TESMIN: variants seen among roughly 807,000 people sequenced by gnomAD.
TESMIN encodes the protein CXC domain containing 2.
A neutral mutation model predicts 47.4 loss-of-function variants in TESMIN; 34 were observed. The ratio of observed to expected loss-of-function variants is 0.72; its 90% CI spans 0.55 to 0.96. The LOEUF (loss-of-function observed/expected upper bound fraction) is 0.96. Ranked by LOEUF, TESMIN falls within the 40% of genes least tolerant of loss-of-function variation. The probability of loss-of-function intolerance (pLI) is 0.00; values close to 1 mark genes in which losing one functional copy is unlikely to be tolerated. For missense variants in TESMIN, 610 were observed against 637.2 expected, an observed-to-expected ratio of 0.96 and a Z score of 0.46; for synonymous variants, 278 against 258.9, an observed-to-expected ratio of 1.07 and a Z score of -0.71.
At chr11:68,711,734 A>C (rs1180258762) in intron 8 of TESMIN, among the ~76,000 whole-genome samples, 7 of 152,192 alleles carry the variant, frequency 4.6e-5, no homozygotes, top group African/African-American at 1.7e-4. Context: ...TAGAATTCGA[A>C]ATCTGCCTGA....
rs539170978 is a variant in TESMIN at position 68,745,225 on chromosome 11, T to C, written c.631-114A>G. On this transcript the variant is annotated intron_variant, in intron 3 of 9. Transcript: ENST00000255087. Reference sequence around the variant, plus strand: ...CTTTAATCCAGAAGTTACATTTTAATGGAAGATAGAAAACTATAGATCTGT... The same window carrying C: ...CTTTAATCCAGAAGTTACATTTTAACGGAAGATAGAAAACTATAGATCTGT... 66 of 1,019,242 alleles carry C rather than the reference T, an allele frequency of 6.5e-5. No individual in the cohort carries two copies. The South Asian group carries it at 9.8e-4, about 15-fold the overall frequency. The allele number at this position is 1,019,242 out of a possible 1,614,324, so 63.1% of individuals were successfully genotyped here.
intron 7 of TESMIN, among the ~76,000 whole-genome samples, chr11:68,713,760 G>A (rs776412794): frequency 1.3e-5 from 2 of 152,192 alleles, no homozygotes; most frequent in Non-Finnish European, 1.5e-5. Flanking sequence ...GGTTGAGACC[G>A]TGGACCATAC....
At chr11:68,738,611 T>C (rs1946416429) in intron 6 of TESMIN, 89 bp downstream of exon 6, 1 of 1,571,392 alleles carries the variant, frequency 6.4e-7, no homozygotes. Flanking sequence ...GTGAAGCTCA[T>C]TTTATAGTAT....
chr11:68,736,089 A>G, intron 6 of TESMIN: 1 of 985,334 alleles, frequency 1.0e-6, no homozygotes, highest in Non-Finnish European at 1.2e-6. Flanking sequence ...CTACACCACA[A>G]CAAGATAACC....
intron 9 of TESMIN, among the ~76,000 whole-genome samples, chr11:68,709,338 G>T (rs1314054026): frequency 2.0e-5 from 3 of 152,186 alleles, no homozygotes; most frequent in Admixed American, 2.0e-4. Flanking sequence ...GTCCACGCTG[G>T]GTGTCTGCCT....
chr11:68,750,319 G>C lies in TESMIN; in HGVS notation c.342C>G (p.Ala114=). 6.6e-7 allele frequency: 1 copy of C among 1,515,316 alleles called. No individual in the cohort carries two copies. The highest frequency in any genetic ancestry group is 1.3e-5 in the South Asian group (1 of 78,144). 93.9% of individuals were successfully genotyped at this position (1,515,316 alleles called of 1,614,324 possible). ...SALEDVALLQ[A]PQPPACNVHF... ...GCACGTTGCAGGCGGGCGGCTGCGG[G>C]GCCTGCAGGAGCGCGACGTCCTCCA... The change falls in exon 2 of 10, where the codon GCC becomes GCG. Residue 114 remains alanine, a synonymous_variant. Transcript: ENST00000255087.
chr11:68,740,583 A>T (rs1351418734), intron 5 of TESMIN, among the ~76,000 whole-genome samples: 1 of 152,156 alleles, frequency 6.6e-6, no homozygotes, highest in African/African-American at 2.4e-5. Flanking sequence ...AGACGGTAGG[A>T]GGATTCTATG....
rs200547479 is a variant in TESMIN at position 68,728,323 on chromosome 11, G to A, written c.917+10377C>T. Among the ~76,000 whole-genome samples the A allele has an allele frequency of 8.5e-5, 13 of 152,262 alleles. 1 individual carries two copies. The East Asian group carries it at 2.5e-3, about 29-fold the overall frequency. ...AGAGGTCTGGAGAGAAGATGAAACC[G>A]GACAAAGCCTAATCCAGAGCAAGGC... On this transcript the variant is annotated intron_variant, in intron 6 of 9. Transcript: ENST00000255087.
chr11:68,744,955 A>C (rs373770823), intron 4 of TESMIN, 36 bp downstream of exon 4: 1 of 1,476,174 alleles, frequency 6.8e-7, no homozygotes, highest in African/African-American at 1.4e-5. Flanking sequence ...CAACTTACAT[A>C]TATGACATAG....
In TESMIN at chr11:68,737,706, T is replaced by C. The variant is rs187001630; in HGVS notation, c.917+994A>G. 5,534 of 964,652 alleles carry C rather than the reference T, an allele frequency of 5.7e-3. 47 individuals carry two copies. Among genetic ancestry groups the C allele is most frequent in the South Asian group, 0.036 (759 of 20,920 alleles). The allele number at this position is 964,652 out of a possible 1,614,324, so 59.8% of individuals were successfully genotyped here. A position where few individuals can be genotyped will look rare whatever the true frequency, so the allele number is the denominator to read the frequency against. On this transcript the variant is annotated intron_variant, in intron 6 of 9. Transcript: ENST00000255087. ...ATGGGCGGATCATCTGAGGTCAGTATTTCAAGACCAGCCTGGCCAACATGG... is the reference window on the plus strand; with the variant it reads ...ATGGGCGGATCATCTGAGGTCAGTACTTCAAGACCAGCCTGGCCAACATGG...
intron 2 of TESMIN, among the ~76,000 whole-genome samples, chr11:68,747,993 G>A (rs1199750848): frequency 6.6e-6 from 1 of 152,198 alleles, no homozygotes; most frequent in Admixed American, 6.5e-5. Flanking sequence ...TTTACAATCT[G>A]TAGGAATGTG....
chr11:68,728,142 T>C (rs958395211), intron 6 of TESMIN, among the ~76,000 whole-genome samples: 1 of 152,242 alleles, frequency 6.6e-6, no homozygotes, highest in Non-Finnish European at 1.5e-5. Flanking sequence ...CGTCTCTCAC[T>C]TTAAATCAAA....
At chr11:68,712,959 G>A (rs1946090638) in intron 8 of TESMIN, among the ~76,000 whole-genome samples, 1 of 152,120 alleles carries the variant, frequency 6.6e-6, no homozygotes, top group Admixed American at 6.5e-5. Context: ...CCCTGTTGGA[G>A]GACCAGCGTG....
chr11:68,735,898 AAG>A (rs1411997392), intron 6 of TESMIN, among the ~76,000 whole-genome samples: 1 of 152,246 alleles, frequency 6.6e-6, no homozygotes, highest in Non-Finnish European at 1.5e-5. Flanking sequence ...AGCGCCAGTA[AAG>A]ACACCCATCA....
At chr11:68,722,767 A>C (rs1260807372) in intron 6 of TESMIN, among the ~76,000 whole-genome samples, 4 of 152,206 alleles carry the variant, frequency 2.6e-5, no homozygotes. Context: ...ATGGTGCAGC[A>C]ACATTACCGT....
intron 3 of TESMIN, among the ~76,000 whole-genome samples, chr11:68,746,772 CAT>C (rs1054812951): frequency 1.3e-5 from 2 of 152,182 alleles, no homozygotes; most frequent in African/African-American, 4.8e-5. Flanking sequence ...AAAAATATGA[CAT>C]AAACCACAGC....
In TESMIN at chr11:68,750,671, G is replaced by A; in HGVS notation, c.-11C>T. On this transcript the variant is annotated 5_prime_UTR_variant, in exon 2 of 10. Transcript: ENST00000255087. ...AGGGCCCTCCTCCATGGCGCAGGGCGGCGGGGCGGGATGGCGGGGGCCGCG... is the reference window on the plus strand; with the variant it reads ...AGGGCCCTCCTCCATGGCGCAGGGCAGCGGGGCGGGATGGCGGGGGCCGCG... 6.7e-7 allele frequency: 1 copy of A among 1,495,140 alleles called. No homozygotes were observed. The highest frequency in any genetic ancestry group is 8.9e-7 in the Non-Finnish European group (1 of 1,121,378). 92.6% of individuals were successfully genotyped at this position (1,495,140 alleles called of 1,614,324 possible). A position where few individuals can be genotyped will look rare whatever the true frequency, so the allele number is the denominator to read the frequency against.
chr11:68,721,511 T>C (rs1362806060), intron 6 of TESMIN, among the ~76,000 whole-genome samples: 1 of 152,170 alleles, frequency 6.6e-6, no homozygotes, highest in Non-Finnish European at 1.5e-5. Context: ...TGATGATTCA[T>C]ATGGGAATAG....
At position 68,738,112 on chromosome 11, in the gene TESMIN, A is replaced by G. The variant is rs577293800; in HGVS notation, c.917+588T>C. The G allele has an allele frequency of 2.0e-5, 20 of 986,092 alleles. No individual in the cohort carries two copies. In the South Asian group the frequency reaches 6.6e-4, roughly 32 times the overall value. The allele number at this position is 986,092 out of a possible 1,614,324, so 61.1% of individuals were successfully genotyped here. A position where few individuals can be genotyped will look rare whatever the true frequency, so the allele number is the denominator to read the frequency against. ...CTGATTAGTTTAATTAGCAACAATTATAAACACAAGACAGGCAAGAAATAG... is the reference window on the plus strand; with the variant it reads ...CTGATTAGTTTAATTAGCAACAATTGTAAACACAAGACAGGCAAGAAATAG... On this transcript the variant is annotated intron_variant, in intron 6 of 9. Coordinates refer to ENST00000255087, the MANE Select transcript of TESMIN (RefSeq NM_004923.3).
Sources: allele counts gnomAD v4.1 joint callset (sites outside exome capture counted in the v4.1 genomes callset), GRCh38; gene constraint gnomAD v4.1.1; transcripts MANE v1.5; gene names NCBI Gene and HGNC (gene_info 2026-07-23, HGNC 2026-07-21).